SGCZ: variants seen among roughly 807,000 people sequenced by gnomAD.
The protein encoded by SGCZ is zeta-sarcoglycan.
Under a neutral mutation model 41.3 loss-of-function variants are expected in SGCZ, and 40 were observed. The observed-to-expected ratio is 0.97, with a 90% CI of 0.75 to 1.26. The LOEUF is 1.26. Ranked by LOEUF, SGCZ falls within the 50% of genes most tolerant of loss-of-function variation. The pLI, the probability that SGCZ is intolerant of heterozygous loss-of-function variation, is 0.00. For synonymous variants in SGCZ, 206 were observed against 137.5 expected (o/e 1.50, Z -3.49); for missense variants, 552 against 369.8 (o/e 1.49, Z -4.04).
intron 1 of SGCZ, among the ~76,000 whole-genome samples, chr8:14,711,854 GT>G (rs1809529375): frequency 6.6e-6 from 1 of 152,140 alleles, no homozygotes; most frequent in African/African-American, 2.4e-5. Context: ...TTGTTTGCTT[GT>G]TTGGTTTTTC....
At chr8:14,814,776 T>C (rs1456994474) in intron 1 of SGCZ, among the ~76,000 whole-genome samples, 2 of 152,174 alleles carry the variant, frequency 1.3e-5, no homozygotes, top group East Asian at 1.9e-4. Flanking sequence ...ACTATTTCTT[T>C]TTTCTTGAGC....
intron 1 of SGCZ, among the ~76,000 whole-genome samples, chr8:14,817,554 A>T (rs1801945151): frequency 6.6e-6 from 1 of 152,170 alleles, no homozygotes; most frequent in South Asian, 2.1e-4. Context: ...CTGAATTCCC[A>T]TTCCTGAGAC....
intron 1 of SGCZ, among the ~76,000 whole-genome samples, chr8:14,912,663 C>T (rs1799311072): frequency 2.6e-5 from 4 of 152,024 alleles, no homozygotes; most frequent in South Asian, 2.1e-4. Flanking sequence ...TGAAAGTCAC[C>T]ATTCACCTGT....
chr8:14,399,700 G>C (rs1799019703), intron 2 of SGCZ, among the ~76,000 whole-genome samples: 1 of 151,910 alleles, frequency 6.6e-6, no homozygotes, highest in African/African-American at 2.4e-5. Context: ...AACTTCTTCA[G>C]AACATATTAT....
intron 1 of SGCZ, among the ~76,000 whole-genome samples, chr8:14,990,725 G>T (rs1489085070): frequency 6.6e-6 from 1 of 152,038 alleles, no homozygotes; most frequent in African/African-American, 2.4e-5. Flanking sequence ...CGTAATAAAG[G>T]CAAGGTACTT....
intron 5 of SGCZ, among the ~76,000 whole-genome samples, chr8:14,121,236 CTATAT>C (rs1802687454): frequency 6.6e-6 from 1 of 151,712 alleles, no homozygotes; most frequent in African/African-American, 2.4e-5. Context: ...ATATATTCAA[CTATAT>C]TATATTCAGT....
chr8:14,840,265 T>C (rs1406542006), intron 1 of SGCZ, among the ~76,000 whole-genome samples: 1 of 152,164 alleles, frequency 6.6e-6, no homozygotes, highest in East Asian at 1.9e-4. Context: ...CCACCTATTA[T>C]ATTGCAAGGG....
At chr8:15,055,856 T>C (rs1434109097) in intron 1 of SGCZ, among the ~76,000 whole-genome samples, 1 of 152,198 alleles carries the variant, frequency 6.6e-6, no homozygotes, top group Non-Finnish European at 1.5e-5. Flanking sequence ...TCCCCATGCC[T>C]TTGCTGCTCC....
intron 3 of SGCZ, among the ~76,000 whole-genome samples, chr8:14,320,128 A>C (rs1801866227): frequency 6.6e-6 from 1 of 151,832 alleles, no homozygotes; most frequent in Non-Finnish European, 1.5e-5. Flanking sequence ...CTGAGTGTAA[A>C]GACTTTGGAG....
intron 1 of SGCZ, among the ~76,000 whole-genome samples, chr8:15,203,198 G>A (rs1585670199): frequency 6.6e-6 from 1 of 152,134 alleles, no homozygotes; most frequent in East Asian, 1.9e-4. Context: ...ATCTTTTCTG[G>A]AAGTTTGTAT....
At chr8:14,832,559 C>A (rs1410968916) in intron 1 of SGCZ, among the ~76,000 whole-genome samples, 2 of 152,014 alleles carry the variant, frequency 1.3e-5, no homozygotes, top group Admixed American at 1.3e-4. Flanking sequence ...ATAGAAAAAG[C>A]TAACACATAT....
chr8:14,731,906 T>C (rs1810250467), intron 1 of SGCZ, among the ~76,000 whole-genome samples: 1 of 152,196 alleles, frequency 6.6e-6, no homozygotes, highest in African/African-American at 2.4e-5. Flanking sequence ...TCTGACCTAT[T>C]ATCATGTTAA....
At chr8:15,053,336 A>G (rs990175280) in intron 1 of SGCZ, among the ~76,000 whole-genome samples, 3 of 151,654 alleles carry the variant, frequency 2.0e-5, no homozygotes, top group Admixed American at 1.3e-4. Context: ...TTACTAGATA[A>G]AGAATCTACA....
intron 1 of SGCZ, among the ~76,000 whole-genome samples, chr8:14,802,183 T>C (rs7826379): frequency 0.067 from 10,275 of 152,224 alleles, 760 homozygotes; most frequent in African/African-American, 0.18. Context: ...GGGGAAAACC[T>C]TGGAGTCAGC....
chr8:14,403,306 G>A (rs1393924893), intron 2 of SGCZ, among the ~76,000 whole-genome samples: 5 of 150,244 alleles, frequency 3.3e-5, no homozygotes, highest in African/African-American at 1.3e-4. Context: ...CACTGCCTGG[G>A]CCAGAACTTC....
At chr8:14,176,043 C>T (rs528366502) in intron 4 of SGCZ, among the ~76,000 whole-genome samples, 22 of 152,166 alleles carry the variant, frequency 1.4e-4, no homozygotes, top group African/African-American at 4.3e-4. Context: ...ATTTTCAAAA[C>T]ACAAAGCAAC....
chr8:15,215,882 A>T (rs1801383074), intron 1 of SGCZ, among the ~76,000 whole-genome samples: 1 of 152,228 alleles, frequency 6.6e-6, no homozygotes, highest in African/African-American at 2.4e-5. Flanking sequence ...ATGAGACAGT[A>T]CAAACTTTAA....
chr8:14,913,366 G>C (rs1237440607), intron 1 of SGCZ, among the ~76,000 whole-genome samples: 5 of 152,040 alleles, frequency 3.3e-5, no homozygotes, highest in South Asian at 2.1e-4. Context: ...ACAACTATAT[G>C]GTCTTAGAGA....
intron 1 of SGCZ, among the ~76,000 whole-genome samples, chr8:14,630,236 A>ATT (rs10547341): frequency 0.025 from 3,629 of 147,096 alleles, 82 homozygotes; most frequent in African/African-American, 0.064. Context: ...ATGTGTTTTG[A>ATT]TTTTTTTTTT....
Sources: gnomAD v4.1 joint callset for allele counts (sites outside exome capture counted in the v4.1 genomes callset) on GRCh38, gnomAD v4.1.1 for gene constraint, MANE v1.5 for transcripts, NCBI Gene and HGNC (gene_info 2026-07-23, HGNC 2026-07-21) for gene names.